Variants in PIGN observed in about 807,000 individuals in gnomAD.
PIGN encodes phosphatidylinositol glycan anchor biosynthesis class N.
A neutral mutation model predicts 125.4 loss-of-function variants in PIGN; 117 were observed. The observed-to-expected ratio is 0.93, with a 90% CI of 0.80 to 1.09. The LOEUF is 1.09. PIGN is among the 50% of genes least tolerant of loss of function. The probability of loss-of-function intolerance (pLI) is 0.00; values close to 1 mark genes in which losing one functional copy is unlikely to be tolerated. For synonymous variants in PIGN, 392 were observed against 377.8 expected, an observed-to-expected ratio of 1.04 and a Z score of -0.44; for missense variants, 1,075 against 1,094.9, an observed-to-expected ratio of 0.98 and a Z score of 0.26.
chr18:62,159,296 AG>A (rs1345541245), intron 4 of PIGN, among the ~76,000 whole-genome samples: 5 of 152,200 alleles, frequency 3.3e-5, no homozygotes, highest in South Asian at 2.1e-4. Flanking sequence ...AGAAGAAGCT[AG>A]AAGATTCCTG....
chr18:62,127,122 T>C (rs1353411846), intron 14 of PIGN, among the ~76,000 whole-genome samples: 1 of 152,152 alleles, frequency 6.6e-6, no homozygotes. Context: ...CTAATTCTGT[T>C]ACTTGGGGGA....
chr18:62,075,591 C>T (rs1463401838), intron 28 of PIGN: 2 of 152,150 alleles, frequency 1.3e-5, no homozygotes, highest in African/African-American at 2.4e-5. Context: ...CATTCAAGCA[C>T]CAAAGGACAT....
intron 23 of PIGN, among the ~76,000 whole-genome samples, chr18:62,019,629 A>G (rs1477488599): frequency 6.6e-6 from 1 of 152,232 alleles, no homozygotes; most frequent in African/African-American, 2.4e-5. Flanking sequence ...CAGGTGAGCC[A>G]CTTCTCCATG....
chr18:62,142,316 C>T (rs553465304), intron 11 of PIGN, among the ~76,000 whole-genome samples: 1 of 152,252 alleles, frequency 6.6e-6, no homozygotes, highest in African/African-American at 2.4e-5. Flanking sequence ...GGAGTGTTTG[C>T]CAACAGACTG....
At chr18:62,036,780 T>C (rs2030267303), downstream of PIGN, among the ~76,000 whole-genome samples, 1 of 152,216 alleles carries the variant, frequency 6.6e-6, no homozygotes, top group Non-Finnish European at 1.5e-5. Context: ...AACTGGTATG[T>C]TAACCTGCCA....
chr18:62,112,503 T>C (rs1330703608), intron 16 of PIGN: 1 of 152,154 alleles, frequency 6.6e-6, no homozygotes, highest in African/African-American at 2.4e-5. Flanking sequence ...TAAAACCATA[T>C]ACATACTGTT....
chr18:62,161,026 A>G (rs2036932141), intron 4 of PIGN, 107 bp downstream of exon 4: 3 of 671,256 alleles, frequency 4.5e-6, no homozygotes, highest in Admixed American at 2.9e-5. Flanking sequence ...TCTCTTTCTC[A>G]TCATCACCCC....
intron 23 of PIGN, among the ~76,000 whole-genome samples, chr18:62,034,391 A>C (rs1195694363): frequency 6.6e-6 from 1 of 152,120 alleles, no homozygotes; most frequent in Non-Finnish European, 1.5e-5. Context: ...GTGGAGCTGT[A>C]AGAGGCCACT....
intron 14 of PIGN, among the ~76,000 whole-genome samples, chr18:62,120,574 T>G (rs1046183930): frequency 6.6e-6 from 1 of 152,010 alleles, no homozygotes; most frequent in African/African-American, 2.4e-5. Flanking sequence ...ATAATTAAAA[T>G]ATATAACAAT....
chr18:62,061,406 A>C (rs1247085635), intron 30 of PIGN, among the ~76,000 whole-genome samples: 1 of 150,742 alleles, frequency 6.6e-6, no homozygotes, highest in Non-Finnish European at 1.5e-5. Flanking sequence ...CCGCCATTTC[A>C]GGAATAAATG....
rs529616442 is a variant in PIGN at position 62,138,128 on chromosome 18, A to G, written c.1172+115T>C. ...GGATTTCAATTTGGAGTTTACACTA[A>G]TGTATATAAAATGGCAAACTGTATA... On this transcript the variant is annotated intron_variant, in intron 14 of 30. Transcript: ENST00000640252. 10 of 1,364,424 alleles carry G rather than the reference A, an allele frequency of 7.3e-6. No individual in the cohort carries two copies. In the East Asian group the frequency reaches 2.6e-4, roughly 36 times the overall value. 84.5% of individuals were successfully genotyped at this position (1,364,424 alleles called of 1,614,324 possible).
intron 23 of PIGN, among the ~76,000 whole-genome samples, chr18:62,024,414 A>G (rs1188905091): frequency 6.6e-6 from 1 of 152,174 alleles, no homozygotes; most frequent in African/African-American, 2.4e-5. Flanking sequence ...GATTTCCTCT[A>G]GCAGTAGAAA....
At chr18:62,141,114 AC>A (rs539309699) in intron 11 of PIGN, among the ~76,000 whole-genome samples, 3 of 152,208 alleles carry the variant, frequency 2.0e-5, no homozygotes, top group Non-Finnish European at 4.4e-5. Context: ...AGAGCTAACA[AC>A]CCCATTTTCT....
intron 1 of PIGN, among the ~76,000 whole-genome samples, chr18:62,178,407 G>A (rs567629109): frequency 3.2e-4 from 49 of 151,734 alleles, no homozygotes; most frequent in African/African-American, 6.8e-4. Flanking sequence ...TGCCATTTTC[G>A]GTAATGTCAC....
Position 62,025,281 on chromosome 18 carries a change from C to T in PIGN, c.2143-7540G>A, listed in dbSNP as rs149463865. 6.6e-5 allele frequency among the ~76,000 whole-genome samples: 10 copies of T among 152,276 alleles called. No homozygotes were observed. In the East Asian group the frequency reaches 1.9e-3, roughly 29 times the overall value. On this transcript the variant is annotated intron_variant, in intron 23 of 24. Transcript: ENST00000639600. ...TTCAACTTGGTTTGTTTTCAGTCAA[C>T]ATTAGGTTTTTGTGTTCTAAATGAA...
chr18:62,135,970 AGTTTGCCT>A (rs1321942109), intron 14 of PIGN: 6 of 152,188 alleles, frequency 3.9e-5, no homozygotes, highest in African/African-American at 1.4e-4. Flanking sequence ...ATTTGGTTAT[AGTTTGCCT>A]GTGACACTAC....
chr18:62,148,278 T>C lies in PIGN; in HGVS notation c.610A>G (p.Ile204Val), dbSNP rs1353757700. The C allele has an allele frequency of 1.8e-5, 28 of 1,536,634 alleles. No homozygotes were observed. The highest frequency in any genetic ancestry group is 2.2e-5 in the Non-Finnish European group (25 of 1,138,574). ...SLFSKINEEK[I>V]VFFLHLLGID... ...CCTAATAAATGTAAGAAAAAAACTA[T>C]TTTCTCTTCATTTATTTTAGAAAAC... The change falls in exon 8 of 31, where the codon ATA becomes GTA. Residue 204 changes from isoleucine (I) to valine (V), a missense_variant. Coordinates refer to ENST00000640252, the MANE Select transcript of PIGN (RefSeq NM_176787.5).
At position 62,044,329 on chromosome 18, in the gene PIGN, ACAGT is replaced by A. The variant is rs2030509621; in HGVS notation, c.*1523_*1526del. On this transcript the variant is annotated 3_prime_UTR_variant, in exon 31 of 31. Coordinates refer to ENST00000640252, the MANE Select transcript of PIGN (RefSeq NM_176787.5). ...AAAAAGGTCAGTGATAAGTGTTTAT[ACAGT>A]CAGTTTTTTCTGATGTGTGAAAAAA... The A allele has an allele frequency of 1.3e-5, 2 of 152,358 alleles. No homozygotes were observed. Among genetic ancestry groups the A allele is most frequent in the Admixed American group, 1.3e-4 (2 of 15,304 alleles). 9.4% of individuals were successfully genotyped at this position (152,358 alleles called of 1,614,324 possible).
chr18:62,072,226 T>C (rs1051011161), intron 30 of PIGN: 1 of 152,100 alleles, frequency 6.6e-6, no homozygotes, highest in Non-Finnish European at 1.5e-5. Flanking sequence ...AGCTATATAA[T>C]GTGTTTGTGT....
Sources: gnomAD v4.1 joint callset for allele counts (sites outside exome capture counted in the v4.1 genomes callset) on GRCh38, gnomAD v4.1.1 for gene constraint, MANE v1.5 for transcripts, NCBI Gene and HGNC (gene_info 2026-07-23, HGNC 2026-07-21) for gene names.